EPHB1: variants seen among roughly 807,000 people sequenced by gnomAD.
EPHB1 encodes the protein ephrin type-B receptor 1.
A neutral mutation model predicts 94.4 loss-of-function variants in EPHB1; 30 were observed. That is an observed-to-expected ratio of 0.32 (90% CI 0.24 to 0.43). The LOEUF is 0.43. EPHB1 is among the 20% of genes least tolerant of loss of function. The pLI is 1.00. For missense variants in EPHB1, 1,055 were observed against 1,308.3 expected (o/e 0.81, Z 2.99); for synonymous variants, 522 against 489.1 (o/e 1.07, Z -0.89).
At chr3:134,809,330 C>T (rs2036123470) in intron 1 of EPHB1, among the ~76,000 whole-genome samples, 1 of 151,680 alleles carries the variant, frequency 6.6e-6, no homozygotes, top group African/African-American at 2.4e-5. Context: ...GCTCTTGGCT[C>T]CAACTTTCTT....
chr3:134,991,817 T>C, intron 3 of EPHB1, among the ~76,000 whole-genome samples: 1 of 152,146 alleles, frequency 6.6e-6, no homozygotes, highest in East Asian at 1.9e-4. Context: ...ACCCGTCATG[T>C]CCCCAGGGAG....
At chr3:134,961,228 C>T (rs1559773038) in intron 3 of EPHB1, among the ~76,000 whole-genome samples, 2 of 152,172 alleles carry the variant, frequency 1.3e-5, no homozygotes, top group Non-Finnish European at 2.9e-5. Flanking sequence ...CCAGAGGATG[C>T]TGTGGCTGCA....
At position 135,124,987 on chromosome 3, in the gene EPHB1, CA is replaced by C. The variant is rs1461112578; in HGVS notation, c.962-7726del. The stretch of plus-strand genomic sequence containing the variant: ...CTCTTGAAGGGACACCTCAGAATTT[CA>C]GACACCACTTATTCCATATTGAGCA... On this transcript the variant is annotated intron_variant, in intron 4 of 15. Coordinates refer to ENST00000398015, the MANE Select transcript of EPHB1 (RefSeq NM_004441.5). Among the ~76,000 whole-genome samples, 9 of 151,772 alleles carry C rather than the reference CA, an allele frequency of 5.9e-5. No homozygotes were observed. In the East Asian group the frequency reaches 1.7e-3, roughly 29 times the overall value.
chr3:134,799,502 G>C (rs76586420), intron 1 of EPHB1, among the ~76,000 whole-genome samples: 6,020 of 152,290 alleles, frequency 0.04, 362 homozygotes, highest in African/African-American at 0.13. Context: ...CTCAAGCCAC[G>C]CATGGAATGC....
intron 6 of EPHB1, 60 bp from the exon 7 acceptor site, chr3:135,161,958 T>G: frequency 6.5e-7 from 1 of 1,526,982 alleles, no homozygotes; most frequent in Non-Finnish European, 8.8e-7. Flanking sequence ...CAGGGTGGAG[T>G]GGGCTGGGGG....
At chr3:134,805,099 G>A (rs1052399060) in intron 1 of EPHB1, among the ~76,000 whole-genome samples, 3 of 152,174 alleles carry the variant, frequency 2.0e-5, no homozygotes, top group South Asian at 2.1e-4. Flanking sequence ...GGCTGAAGCC[G>A]GGAGGTGAGC....
intron 3 of EPHB1, among the ~76,000 whole-genome samples, chr3:135,030,872 C>G (rs754843414): frequency 5.9e-5 from 9 of 152,298 alleles, no homozygotes; most frequent in Admixed American, 1.3e-4. Flanking sequence ...TAGCAATCAG[C>G]GAGACTCCTT....
intron 4 of EPHB1, among the ~76,000 whole-genome samples, chr3:135,115,774 A>G (rs1939674369): frequency 6.6e-6 from 1 of 152,136 alleles, no homozygotes; most frequent in Non-Finnish European, 1.5e-5. Context: ...GATATTGTTT[A>G]TTATTGTGTC....
intron 1 of EPHB1, among the ~76,000 whole-genome samples, chr3:134,821,850 C>T (rs561052353): frequency 1.4e-4 from 21 of 152,286 alleles, no homozygotes; most frequent in Admixed American, 1.4e-3. Context: ...TCTCAATCTC[C>T]CTTTTTTCCA....
intron 11 of EPHB1, among the ~76,000 whole-genome samples, chr3:135,193,907 A>G (rs1308960160): frequency 1.3e-5 from 2 of 152,174 alleles, no homozygotes; most frequent in South Asian, 2.1e-4. Flanking sequence ...TGGGAGGGAC[A>G]CCTCTGATCC....
intron 12 of EPHB1, among the ~76,000 whole-genome samples, chr3:135,205,734 C>T (rs561455613): frequency 6.6e-6 from 1 of 152,122 alleles, no homozygotes; most frequent in Non-Finnish European, 1.5e-5. Context: ...TGTAACTATC[C>T]GTCTATCCAT....
At chr3:134,961,381 AG>A (rs1389226586) in intron 3 of EPHB1, among the ~76,000 whole-genome samples, 1 of 152,226 alleles carries the variant, frequency 6.6e-6, no homozygotes, top group African/African-American at 2.4e-5. Flanking sequence ...AGACACTTCC[AG>A]GGATGGAACA....
At chr3:134,836,315 AACTC>A (rs1444293909) in intron 1 of EPHB1, among the ~76,000 whole-genome samples, 5 of 152,236 alleles carry the variant, frequency 3.3e-5, no homozygotes, top group Non-Finnish European at 7.3e-5. Context: ...AATGGATTTA[AACTC>A]CTTGTTTTCC....
intron 3 of EPHB1, among the ~76,000 whole-genome samples, chr3:135,089,505 C>T (rs540325712): frequency 3.3e-5 from 5 of 152,342 alleles, no homozygotes; most frequent in South Asian, 4.1e-4. Context: ...TAGCTTGGCA[C>T]ATAGACCTTG....
intron 1 of EPHB1, among the ~76,000 whole-genome samples, chr3:134,799,236 C>T (rs756396072): frequency 6.6e-6 from 1 of 152,174 alleles, no homozygotes. Context: ...ACTAAGCCCA[C>T]GTGTCTTCAA....
At chr3:134,966,704 G>A (rs773560863) in intron 3 of EPHB1, among the ~76,000 whole-genome samples, 2 of 152,262 alleles carry the variant, frequency 1.3e-5, no homozygotes, top group Admixed American at 6.5e-5. Context: ...GTCCCGACAA[G>A]TCAAGACTTT....
intron 3 of EPHB1, among the ~76,000 whole-genome samples, chr3:135,003,272 A>C (rs1047627348): frequency 1.3e-5 from 2 of 151,748 alleles, no homozygotes; most frequent in African/African-American, 4.9e-5. Flanking sequence ...AGCGGTTTTG[A>C]GTGAGATTCT....
intron 3 of EPHB1, among the ~76,000 whole-genome samples, chr3:134,964,197 T>A (rs1933639516): frequency 6.6e-6 from 1 of 152,066 alleles, no homozygotes; most frequent in Admixed American, 6.5e-5. Flanking sequence ...CCAGCAGCAT[T>A]GAGTAGAGGG....
chr3:135,017,284 G>A (rs959616025), intron 3 of EPHB1, among the ~76,000 whole-genome samples: 3 of 152,180 alleles, frequency 2.0e-5, no homozygotes, highest in South Asian at 2.1e-4. Context: ...CAAATGTAAC[G>A]TGAAAGAAAG....
Sources: gnomAD v4.1 joint callset for allele counts (sites outside exome capture counted in the v4.1 genomes callset) on GRCh38, gnomAD v4.1.1 for gene constraint, MANE v1.5 for transcripts, NCBI Gene and HGNC (gene_info 2026-07-23, HGNC 2026-07-21) for gene names.